The following FIG4 variants were observed in gnomAD, a reference collection of about 807,000 sequenced individuals.
FIG4 encodes FIG4 phosphoinositide 5-phosphatase.
A neutral mutation model predicts 118.6 loss-of-function variants in FIG4; 112 were observed. The observed-to-expected ratio is 0.94, with a 90% CI of 0.81 to 1.11. The LOEUF (loss-of-function observed/expected upper bound fraction) is 1.11. FIG4 is among the 50% of genes least tolerant of loss of function. The probability of loss-of-function intolerance (pLI) is 0.00; values close to 1 mark genes in which losing one functional copy is unlikely to be tolerated. For missense variants in FIG4, 969 were observed against 1,111.7 expected (o/e 0.87, Z 1.83); for synonymous variants, 369 against 381.2 (o/e 0.97, Z 0.37).
chr6:109,795,985 A>G (rs974323689), intron 21 of FIG4, among the ~76,000 whole-genome samples: 2 of 152,202 alleles, frequency 1.3e-5, no homozygotes, highest in African/African-American at 2.4e-5. Flanking sequence ...TGAAGGAAAG[A>G]CAGATCCATG....
At chr6:109,748,557 GA>G (rs1776579074) in intron 10 of FIG4, among the ~76,000 whole-genome samples, 1 of 152,146 alleles carries the variant, frequency 6.6e-6, no homozygotes, top group Non-Finnish European at 1.5e-5. Flanking sequence ...GTGATAGTGG[GA>G]ATGGGGATTT....
chr6:109,782,553 T>G (rs898261078), intron 16 of FIG4, among the ~76,000 whole-genome samples: 5 of 152,134 alleles, frequency 3.3e-5, no homozygotes, highest in African/African-American at 9.7e-5. Flanking sequence ...ACATTTTTTG[T>G]AATGTCTACT....
At chr6:109,697,614 A>G (rs1774770392) in intron 1 of FIG4, among the ~76,000 whole-genome samples, 1 of 152,176 alleles carries the variant, frequency 6.6e-6, no homozygotes. Flanking sequence ...ACTGAGCCTC[A>G]GAAGTCACAC....
intron 10 of FIG4, among the ~76,000 whole-genome samples, chr6:109,753,869 A>G (rs1473356959): frequency 1.3e-5 from 2 of 152,198 alleles, no homozygotes; most frequent in African/African-American, 4.8e-5. Flanking sequence ...TAGATATACA[A>G]TCATGTCATC....
intron 1 of FIG4, among the ~76,000 whole-genome samples, chr6:109,698,491 A>G (rs191613900): frequency 1.2e-4 from 19 of 152,282 alleles, no homozygotes; most frequent in Non-Finnish European, 2.5e-4. Flanking sequence ...GATGCCATTT[A>G]TTTCTTTCTC....
At chr6:109,818,222 CAG>C (rs1778914216) in intron 22 of FIG4, among the ~76,000 whole-genome samples, 1 of 149,928 alleles carries the variant, frequency 6.7e-6, no homozygotes, top group South Asian at 2.1e-4. Flanking sequence ...TTTTTTAAGA[CAG>C]AGTTTCGCTC....
At chr6:109,780,605 G>T (rs1165720090) in intron 16 of FIG4, among the ~76,000 whole-genome samples, 2 of 152,150 alleles carry the variant, frequency 1.3e-5, no homozygotes, top group Non-Finnish European at 2.9e-5. Context: ...CTTAGATAAT[G>T]TGACTTATTA....
intron 7 of FIG4, among the ~76,000 whole-genome samples, chr6:109,739,933 G>A (rs1325705915): frequency 6.6e-6 from 1 of 152,080 alleles, no homozygotes; most frequent in Non-Finnish European, 1.5e-5. Flanking sequence ...CGAAAGGCTA[G>A]ATAAAAGCAC....
At position 109,786,448 on chromosome 6, in the gene FIG4, C is replaced by T. The variant is rs764799053; in HGVS notation, c.2095C>T (p.Arg699Cys). The T allele has an allele frequency of 4.6e-5, 74 of 1,613,594 alleles. No individual in the cohort carries two copies. Among genetic ancestry groups the T allele is most frequent in the Middle Eastern group, 1.6e-4 (1 of 6,084 alleles). The change falls in exon 18 of 23, where the codon CGT (arginine) becomes TGT (cysteine). Residue 699 changes from arginine to cysteine, a missense_variant and splice_region_variant. By Grantham distance (180) the Arg-to-Cys change is radical. Coordinates refer to ENST00000230124, the MANE Select transcript of FIG4 (RefSeq NM_014845.6). ...TTGCTTGGCTATGACAAGCTCAGCA[C>T]GGTATGTTGTGTGTATTCTGATACC... ...TFCLAMTSSA[R>C]DFMPKTVGID...
intron 15 of FIG4, among the ~76,000 whole-genome samples, chr6:109,774,946 A>G (rs1282331958): frequency 1.3e-5 from 2 of 152,222 alleles, no homozygotes; most frequent in Non-Finnish European, 2.9e-5. Flanking sequence ...TATTAGAATA[A>G]GAGCTATTTC....
At chr6:109,726,581 G>A (rs1433917912) in intron 3 of FIG4, among the ~76,000 whole-genome samples, 1 of 152,010 alleles carries the variant, frequency 6.6e-6, no homozygotes, top group Non-Finnish European at 1.5e-5. Flanking sequence ...TTGGTGTCTT[G>A]GCTATGAGGG....
rs57159750 is a variant in FIG4, at chr6:109,764,036, G to A, written c.1434+54G>A. ...ATAGAATCTGTATCCATTGTGTACT[G>A]TATGTTTTCTGTAAGCAATCATGGA... On this transcript the variant is annotated intron_variant, in intron 13 of 22. Coordinates refer to ENST00000230124, the MANE Select transcript of FIG4 (RefSeq NM_014845.6). 19,121 of 1,154,742 alleles carry A rather than the reference G, an allele frequency of 0.017. 356 individuals carry two copies. Among genetic ancestry groups the A allele is most frequent in the South Asian group, 0.057 (4,579 of 79,664 alleles). 71.5% of individuals were successfully genotyped at this position (1,154,742 alleles called of 1,614,324 possible).
chr6:109,735,317 T>A lies in FIG4; in HGVS notation c.646+19T>A. 1 of 1,597,106 alleles carries A rather than the reference T, an allele frequency of 6.3e-7. No individual in the cohort carries two copies. The highest frequency in any genetic ancestry group is 8.6e-7 in the Non-Finnish European group (1 of 1,164,796). On this transcript the variant is annotated intron_variant, in intron 6 of 22. Coordinates refer to ENST00000230124, the MANE Select transcript of FIG4 (RefSeq NM_014845.6). ...GGAAGCGGTAGGTGGTCTTGATATA[T>A]CTAATGTATATTAATGTGGTATCCA...
intron 18 of FIG4, among the ~76,000 whole-genome samples, chr6:109,788,761 G>A (rs960671418): frequency 6.6e-6 from 1 of 152,194 alleles, no homozygotes; most frequent in African/African-American, 2.4e-5. Flanking sequence ...CCAGAATCAA[G>A]ATTACTTTCT....
At chr6:109,801,319 G>C (rs953946358) in intron 22 of FIG4, among the ~76,000 whole-genome samples, 5 of 151,898 alleles carry the variant, frequency 3.3e-5, no homozygotes, top group Non-Finnish European at 1.5e-5. Context: ...AGGCTGAGGC[G>C]GGTGGATCAC....
chr6:109,758,477 A>C (rs974987920), intron 10 of FIG4, among the ~76,000 whole-genome samples: 3 of 152,220 alleles, frequency 2.0e-5, no homozygotes, highest in African/African-American at 4.8e-5. Flanking sequence ...TTAAACACTT[A>C]AATGTAAGAC....
rs569891952 is a variant in FIG4 at position 109,775,030 on chromosome 6, A to G, written c.1751-1892A>G. ...AAACCTGATCTATTTAAATGTAGTC[A>G]GTAGTAAAATTGGCTAATGTTTAAC... On this transcript the variant is annotated intron_variant, in intron 15 of 22. Coordinates refer to ENST00000230124, the MANE Select transcript of FIG4 (RefSeq NM_014845.6). Among the ~76,000 whole-genome samples the G allele has an allele frequency of 5.3e-5, 8 of 152,358 alleles. No homozygotes were observed. In the South Asian group the frequency reaches 6.2e-4, roughly 12 times the overall value.
intron 3 of FIG4, among the ~76,000 whole-genome samples, chr6:109,720,000 A>T (rs1401846716): frequency 1.3e-5 from 2 of 152,186 alleles, no homozygotes; most frequent in Non-Finnish European, 1.5e-5. Context: ...AGGTGTCTCC[A>T]TGTTTCTTTT....
chr6:109,799,818 A>T (rs1230006476), intron 22 of FIG4, among the ~76,000 whole-genome samples: 1 of 152,136 alleles, frequency 6.6e-6, no homozygotes, highest in Admixed American at 6.6e-5. Context: ...TTAGAAGTGG[A>T]TGTTAAACCC....
Sources: allele counts gnomAD v4.1 joint callset (sites outside exome capture counted in the v4.1 genomes callset), GRCh38; gene constraint gnomAD v4.1.1; transcripts MANE v1.5; gene names NCBI Gene and HGNC (gene_info 2026-07-23, HGNC 2026-07-21).